The following FRAS1 variants were observed in gnomAD, a reference collection of about 807,000 sequenced individuals.
The protein encoded by FRAS1 is Fraser extracellular matrix complex subunit 1.
Under a neutral mutation model 435.2 loss-of-function variants are expected in FRAS1, and 290 were observed. The ratio of observed to expected loss-of-function variants is 0.67; its 90% CI spans 0.61 to 0.73. The LOEUF (loss-of-function observed/expected upper bound fraction) is 0.73. Among genes scored for constraint, FRAS1 ranks in the 30% least tolerant of loss-of-function variants. FRAS1 has a pLI of 0.00. For synonymous variants in FRAS1, 1,800 were observed against 1,851.0 expected (o/e 0.97, Z 0.71); for missense variants, 4,860 against 5,001.5 (o/e 0.97, Z 0.85).
At chr4:78,262,880 T>C (rs1454738470) in intron 6 of FRAS1, among the ~76,000 whole-genome samples, 2 of 139,216 alleles carry the variant, frequency 1.4e-5, no homozygotes, top group Admixed American at 7.7e-5. Context: ...TAACAAACAT[T>C]TTTAGCCTTG....
At chr4:78,058,115 T>TGTGTGTGTGTGC (rs1560501393) in intron 1 of FRAS1, 30 bp downstream of exon 1, 6 of 1,572,878 alleles carry the variant, frequency 3.8e-6, no homozygotes, top group African/African-American at 1.4e-5. Context: ...TGTGTGTGTG[T>TGTGTGTGTGTGC]GTGTGCGTGT....
At chr4:78,362,662 TC>T (rs1184639292) in intron 20 of FRAS1, among the ~76,000 whole-genome samples, 3 of 152,182 alleles carry the variant, frequency 2.0e-5, no homozygotes, top group Non-Finnish European at 2.9e-5. Flanking sequence ...GGTCCCAAGC[TC>T]TTGTCCGGTG....
chr4:78,216,309 A>G (rs1292834005), intron 2 of FRAS1, among the ~76,000 whole-genome samples: 1 of 152,212 alleles, frequency 6.6e-6, no homozygotes, highest in Non-Finnish European at 1.5e-5. Context: ...AGTATGGATG[A>G]ATATAACTAT....
chr4:78,210,437 G>C (rs573887182), intron 2 of FRAS1, among the ~76,000 whole-genome samples: 1 of 152,222 alleles, frequency 6.6e-6, no homozygotes, highest in African/African-American at 2.4e-5. Flanking sequence ...ATCACTTGGA[G>C]TCTCAGCACC....
At position 78,070,672 on chromosome 4, in the gene FRAS1, T is replaced by C. The variant is rs374536116; in HGVS notation, c.108+4656T>C. The C allele has an allele frequency of 8.5e-5, 13 of 152,342 alleles. No individual in the cohort carries two copies. The East Asian group carries it at 2.3e-3, about 27-fold the overall frequency. The allele number at this position is 152,342 out of a possible 1,614,324, so 9.4% of individuals were successfully genotyped here. Reference sequence around the variant, plus strand: ...TAATAGGTTTAACTGTGATGTCCAGTGTGAGGAGGAAAATTAATTTTTCAT... The same window carrying C: ...TAATAGGTTTAACTGTGATGTCCAGCGTGAGGAGGAAAATTAATTTTTCAT... On this transcript the variant is annotated intron_variant, in intron 2 of 73. Coordinates refer to ENST00000512123, the MANE Select transcript of FRAS1 (RefSeq NM_025074.7).
At chr4:78,188,615 T>A (rs1263768665) in intron 2 of FRAS1, among the ~76,000 whole-genome samples, 2 of 152,190 alleles carry the variant, frequency 1.3e-5, no homozygotes, top group Non-Finnish European at 2.9e-5. Flanking sequence ...GTTGATCACA[T>A]CTATAAAATT....
In FRAS1 at chr4:78,372,785, C is replaced by A; in HGVS notation, c.2937C>A (p.Gly979=). ...CAGACTGCCTGCAGTGCATGGATGG[C>A]TATGTTCTCCAGGATGGGGCCTGCG... ...LKTDCLQCMD[G]YVLQDGACVE... is the part of the protein sequence containing the mutation. Residue 979 remains glycine (G), a synonymous_variant, in exon 24 of 74, where the codon GGC becomes GGA. Coordinates refer to ENST00000512123, the MANE Select transcript of FRAS1 (RefSeq NM_025074.7). The A allele has an allele frequency of 1.9e-6, 3 of 1,613,202 alleles. No homozygotes were observed. The highest frequency in any genetic ancestry group is 1.3e-5 in the African/African-American group (1 of 75,018).
intron 2 of FRAS1, among the ~76,000 whole-genome samples, chr4:78,087,989 C>T (rs1578114990): frequency 6.6e-6 from 1 of 152,146 alleles, no homozygotes; most frequent in Admixed American, 6.6e-5. Flanking sequence ...GCCAAAAGAA[C>T]AAATCTGGAG....
chr4:78,430,271 G>A (rs1042500900), intron 36 of FRAS1, 21 bp from the exon 37 acceptor site: 10 of 1,613,318 alleles, frequency 6.2e-6, no homozygotes, highest in African/African-American at 1.3e-5. Flanking sequence ...CTCTCACCAC[G>A]CTTCCTTCTC....
In FRAS1 at chr4:78,400,785, G is replaced by T; in HGVS notation, c.4027G>T (p.Gly1343Trp). Residue 1343 changes from glycine (G) to tryptophan (W), a missense_variant, in exon 30 of 74, where the codon GGG (glycine) becomes TGG (tryptophan). Physicochemically the swap from Gly to Trp is radical, Grantham distance 184 (BLOSUM62 -2). Transcript: ENST00000512123. Reference protein sequence around the residue: ...VANSMVWVPEGGMLQITNRIL... With the variant: ...VANSMVWVPEWGMLQITNRIL... ...TAATTCGATGGTGTGGGTTCCAGAA[G>T]GGGGGATGCTGCAGATCACCAACAG... The T allele has an allele frequency of 3.1e-6, 5 of 1,613,220 alleles. No homozygotes were observed. Among genetic ancestry groups the T allele is most frequent in the Non-Finnish European group, 4.2e-6 (5 of 1,179,520 alleles).
chr4:78,237,247 G>A (rs980878082), intron 2 of FRAS1, among the ~76,000 whole-genome samples: 9 of 152,136 alleles, frequency 5.9e-5, no homozygotes, highest in African/African-American at 1.4e-4. Flanking sequence ...CAGGCCAATC[G>A]ATGATTTTTA....
At chr4:78,410,705 T>C (rs930769825) in intron 31 of FRAS1, among the ~76,000 whole-genome samples, 2 of 152,188 alleles carry the variant, frequency 1.3e-5, no homozygotes, top group African/African-American at 4.8e-5. Flanking sequence ...ACAGTGGTGA[T>C]TATTTTGGGT....
At chr4:78,418,124 G>A (rs889024254) in intron 32 of FRAS1, among the ~76,000 whole-genome samples, 5 of 152,160 alleles carry the variant, frequency 3.3e-5, no homozygotes, top group South Asian at 4.1e-4. Flanking sequence ...AGCTACATTC[G>A]CATCAGCCGT....
chr4:78,489,212 G>A, intron 59 of FRAS1, 132 bp downstream of exon 59: 1 of 771,660 alleles, frequency 1.3e-6, no homozygotes, highest in Non-Finnish European at 2.0e-6. Context: ...AACAATGCAG[G>A]GGATAGGGGT....
At chr4:78,103,541 G>A (rs569469136) in intron 2 of FRAS1, among the ~76,000 whole-genome samples, 2 of 152,168 alleles carry the variant, frequency 1.3e-5, no homozygotes, top group East Asian at 3.9e-4. Context: ...TGGTTTGAAT[G>A]CTTGTGTCCC....
intron 18 of FRAS1, among the ~76,000 whole-genome samples, chr4:78,330,275 TCTTTA>T (rs1349895991): frequency 1.3e-5 from 2 of 152,224 alleles, no homozygotes; most frequent in Admixed American, 1.3e-4. Flanking sequence ...CCTATGCCTG[TCTTTA>T]CTTTAATCTC....
At chr4:78,324,708 CT>C (rs139942839) in intron 18 of FRAS1, among the ~76,000 whole-genome samples, 24,276 of 86,878 alleles carry the variant, frequency 0.28, 1,860 homozygotes, top group Admixed American at 0.34. Context: ...GCTCAGATTC[CT>C]TTTTTTTTTT....
At position 78,282,912 on chromosome 4, in the gene FRAS1, A is replaced by G. The variant is rs764560952; in HGVS notation, c.1200A>G (p.Pro400=). The change falls in exon 12 of 74, where the codon CCA becomes CCG. Residue 400 remains proline (P), a synonymous_variant. Transcript: ENST00000512123. ...ACGAGCCCTCTTGCCCACCATGTCCAGTGGGCACACTGGCCTTAGAGGTGA... is the reference window on the plus strand; with the variant it reads ...ACGAGCCCTCTTGCCCACCATGTCCGGTGGGCACACTGGCCTTAGAGGTGA... ...TCYEPSCPPC[P]VGTLALEVKG... is the part of the protein sequence containing the mutation. 13 of 1,611,394 alleles carry G rather than the reference A, an allele frequency of 8.1e-6. No homozygotes were observed. The highest frequency in any genetic ancestry group is 1.3e-5 in the African/African-American group (1 of 74,826).
In FRAS1 at chr4:78,421,985, G is replaced by A; in HGVS notation, c.4663G>A (p.Ala1555Thr). The A allele has an allele frequency of 2.5e-6, 4 of 1,611,956 alleles. No homozygotes were observed. Among genetic ancestry groups the A allele is most frequent in the East Asian group, 4.5e-5 (2 of 44,824 alleles). The part of the protein sequence containing the change: ...PAAPHLQELM[A>T]FSFAGLPESV... ...AGCACCCCACCTCCAGGAGCTCATGGCCTTCTCGTTCGCTGGTAATGCTCT... is the reference window on the plus strand; with the variant it reads ...AGCACCCCACCTCCAGGAGCTCATGACCTTCTCGTTCGCTGGTAATGCTCT... The change falls in exon 34 of 74, where the codon GCC (alanine) becomes ACC (threonine). Residue 1555 changes from alanine to threonine, a missense_variant. Ala to Thr is a moderately conservative substitution (Grantham distance 58, BLOSUM62 0). Coordinates refer to ENST00000512123, the MANE Select transcript of FRAS1 (RefSeq NM_025074.7).
Sources: gnomAD v4.1 joint callset for allele counts (sites outside exome capture counted in the v4.1 genomes callset) on GRCh38, gnomAD v4.1.1 for gene constraint, MANE v1.5 for transcripts, NCBI Gene and HGNC (gene_info 2026-07-23, HGNC 2026-07-21) for gene names.